EML6: variants seen among roughly 807,000 people sequenced by gnomAD.
The protein encoded by EML6 is EMAP like 6, also known as echinoderm microtubule-associated protein-like 6.
A neutral mutation model predicts 240.1 loss-of-function variants in EML6; 154 were observed. That is an observed-to-expected ratio of 0.64 (90% CI 0.56 to 0.73). The LOEUF is 0.73. EML6 is among the 30% of genes least tolerant of loss of function. The pLI is 0.00. For missense variants in EML6, 2,964 were observed against 2,474.6 expected, an observed-to-expected ratio of 1.20 and a Z score of -4.20; for synonymous variants, 1,148 against 899.0, an observed-to-expected ratio of 1.28 and a Z score of -4.95.
intron 28 of EML6, among the ~76,000 whole-genome samples, chr2:54,929,569 C>T (rs1674744058): frequency 6.6e-6 from 1 of 152,094 alleles, no homozygotes; most frequent in Non-Finnish European, 1.5e-5. Context: ...ATACGCTGGT[C>T]CCACAATATG....
chr2:54,951,800 T>C (rs1287761236), intron 30 of EML6, among the ~76,000 whole-genome samples: 1 of 152,280 alleles, frequency 6.6e-6, no homozygotes, highest in East Asian at 1.9e-4. Context: ...ACTGGGCACA[T>C]GTTGATTTGT....
chr2:54,797,822 T>C (rs354949), intron 2 of EML6, among the ~76,000 whole-genome samples: 135,620 of 152,222 alleles, frequency 0.89, 60,671 homozygotes, highest in African/African-American at 0.97. Context: ...TTACTTGACT[T>C]CTCTGGGCTT....
intron 7 of EML6, among the ~76,000 whole-genome samples, chr2:54,831,598 C>T (rs896606444): frequency 6.6e-6 from 1 of 152,222 alleles, no homozygotes; most frequent in South Asian, 2.1e-4. Context: ...ACACTGGGAA[C>T]CCGAAACAAG....
At chr2:54,805,770 A>G (rs545433710) in intron 2 of EML6, among the ~76,000 whole-genome samples, 5 of 152,036 alleles carry the variant, frequency 3.3e-5, no homozygotes, top group African/African-American at 7.2e-5. Context: ...AGATTTTCTT[A>G]TATTTTTTTC....
At chr2:54,869,053 C>G in intron 14 of EML6, 128 bp from the exon 15 acceptor site, 1 of 590,768 alleles carries the variant, frequency 1.7e-6, no homozygotes, top group Non-Finnish European at 2.9e-6. Flanking sequence ...ACATTGCTGT[C>G]CTATGTGACA....
chr2:54,891,857 CAG>C (rs1201875244), intron 18 of EML6, among the ~76,000 whole-genome samples: 1 of 152,168 alleles, frequency 6.6e-6, no homozygotes, highest in Non-Finnish European at 1.5e-5. Context: ...TTCTCAGTGA[CAG>C]GGAGTGTGGG....
At position 54,928,646 on chromosome 2, in the gene EML6, G is replaced by A; in HGVS notation, c.3899G>A (p.Arg1300Lys). 6.4e-7 allele frequency: 1 copy of A among 1,552,192 alleles called. No homozygotes were observed. Among genetic ancestry groups the A allele is most frequent in the Non-Finnish European group, 8.7e-7 (1 of 1,147,106 alleles). The change falls in exon 28 of 42, where the codon AGA becomes AAA. Residue 1300 changes from arginine to lysine, a missense_variant. Arg to Lys is a conservative substitution (Grantham distance 26). Coordinates refer to ENST00000356458, the MANE Select transcript of EML6 (RefSeq NM_001039753.4). ...EDGGYDSDVA[R>K]EKAIDYTTKI... Reference sequence around the variant, plus strand: ...TGAGGCTATGACAGCGATGTTGCTAGAGAAAAGGCCATTGACTACACCACC... The same window carrying A: ...TGAGGCTATGACAGCGATGTTGCTAAAGAAAAGGCCATTGACTACACCACC...
intron 33 of EML6, 135 bp downstream of exon 33, chr2:54,958,133 G>T: frequency 1.4e-6 from 1 of 703,820 alleles, no homozygotes. Context: ...TCCTGTACTG[G>T]CTTATCTGCA....
At chr2:54,966,490 C>G (rs1021869921) in intron 38 of EML6, among the ~76,000 whole-genome samples, 3 of 152,168 alleles carry the variant, frequency 2.0e-5, no homozygotes, top group Non-Finnish European at 4.4e-5. Flanking sequence ...CCCAGAGCAC[C>G]GAGGTTCAGG....
At chr2:54,890,435 A>T in intron 17 of EML6, among the ~76,000 whole-genome samples, 1 of 152,150 alleles carries the variant, frequency 6.6e-6, no homozygotes, top group Non-Finnish European at 1.5e-5. Context: ...CAGGTCTACA[A>T]TGGAACTTTG....
chr2:54,736,533 A>G (rs989668575), intron 2 of EML6, among the ~76,000 whole-genome samples: 1 of 152,130 alleles, frequency 6.6e-6, no homozygotes, highest in Non-Finnish European at 1.5e-5. Flanking sequence ...AGTTGTCTCC[A>G]TTTACTGCCC....
chr2:54,906,907 C>T (rs1673355598), intron 24 of EML6, among the ~76,000 whole-genome samples: 1 of 152,212 alleles, frequency 6.6e-6, no homozygotes, highest in Non-Finnish European at 1.5e-5. Flanking sequence ...AAGCAGGGTT[C>T]TGTTTCATGC....
intron 22 of EML6, among the ~76,000 whole-genome samples, chr2:54,900,376 T>C (rs1414641090): frequency 2.0e-5 from 3 of 152,074 alleles, no homozygotes; most frequent in African/African-American, 7.2e-5. Flanking sequence ...TCCATTCAAA[T>C]TGGGTAATTC....
At chr2:54,824,911 C>A (rs1017633724) in intron 5 of EML6, among the ~76,000 whole-genome samples, 1 of 152,164 alleles carries the variant, frequency 6.6e-6, no homozygotes, top group African/African-American at 2.4e-5. Context: ...CCCTAAACTG[C>A]CACTGTTTTC....
At chr2:54,892,093 T>A (rs1020974199) in intron 18 of EML6, among the ~76,000 whole-genome samples, 1 of 152,212 alleles carries the variant, frequency 6.6e-6, no homozygotes, top group African/African-American at 2.4e-5. Context: ...CTCTTTCTCT[T>A]GGCTGACACA....
chr2:54,908,526 C>T (rs1673468389), intron 24 of EML6, among the ~76,000 whole-genome samples: 1 of 152,094 alleles, frequency 6.6e-6, no homozygotes, highest in South Asian at 2.1e-4. Flanking sequence ...AGAACACCTG[C>T]CAAGGAACTG....
At chr2:54,817,281 C>T (rs191128852) in intron 4 of EML6, among the ~76,000 whole-genome samples, 2 of 152,132 alleles carry the variant, frequency 1.3e-5, no homozygotes, top group East Asian at 3.8e-4. Flanking sequence ...ATGACAACTT[C>T]GTGATTCTTT....
At chr2:54,929,578 T>C (rs1258101595) in intron 28 of EML6, among the ~76,000 whole-genome samples, 1 of 152,202 alleles carries the variant, frequency 6.6e-6, no homozygotes. Context: ...TCCCACAATA[T>C]GTAATTTATG....
At chr2:54,836,032 C>T (rs1558593519) in intron 7 of EML6, among the ~76,000 whole-genome samples, 1 of 152,220 alleles carries the variant, frequency 6.6e-6, no homozygotes, top group Non-Finnish European at 1.5e-5. Flanking sequence ...TGTCACCGCT[C>T]TCCCTGTGTG....
Sources: allele counts gnomAD v4.1 joint callset (sites outside exome capture counted in the v4.1 genomes callset), GRCh38; gene constraint gnomAD v4.1.1; transcripts MANE v1.5; gene names NCBI Gene and HGNC (gene_info 2026-07-23, HGNC 2026-07-21).